The following SEMA5A variants were observed in gnomAD, a reference collection of about 807,000 sequenced individuals.
SEMA5A encodes the protein semaphorin 5A, also known as semaphorin-5A.
Under a neutral mutation model 135.5 loss-of-function variants are expected in SEMA5A, and 55 were observed. That is an observed-to-expected ratio of 0.41 (90% CI 0.33 to 0.51). SEMA5A has a LOEUF of 0.51. Among genes scored for constraint, SEMA5A ranks in the 20% least tolerant of loss-of-function variants. The pLI is 0.37. For synonymous variants in SEMA5A, 580 were observed against 546.5 expected, an observed-to-expected ratio of 1.06 and a Z score of -0.85; for missense variants, 1,290 against 1,419.9, an observed-to-expected ratio of 0.91 and a Z score of 1.47.
intron 11 of SEMA5A, among the ~76,000 whole-genome samples, chr5:9,171,377 G>A (rs1050823964): frequency 6.6e-6 from 1 of 152,158 alleles, no homozygotes; most frequent in African/African-American, 2.4e-5. Context: ...AACATCTGGA[G>A]GGCAGGAAAG....
chr5:9,174,731 G>GA (rs543518811), intron 11 of SEMA5A, among the ~76,000 whole-genome samples: 154 of 152,098 alleles, frequency 1.0e-3, no homozygotes, highest in African/African-American at 3.6e-3. Context: ...AGCCAAGGCA[G>GA]AAAAAAAAGT....
intron 5 of SEMA5A, among the ~76,000 whole-genome samples, chr5:9,250,990 A>C (rs1748743369): frequency 6.6e-6 from 1 of 152,200 alleles, no homozygotes; most frequent in Admixed American, 6.6e-5. Context: ...TTGCTGTTGT[A>C]AGTATTAAGA....
intron 11 of SEMA5A, among the ~76,000 whole-genome samples, chr5:9,160,334 G>A (rs1743184150): frequency 6.6e-6 from 1 of 152,070 alleles, no homozygotes; most frequent in African/African-American, 2.4e-5. Context: ...CATACAAGGT[G>A]GACTCGAGCA....
chr5:9,080,631 C>T (rs1738327380), intron 16 of SEMA5A, among the ~76,000 whole-genome samples: 1 of 151,912 alleles, frequency 6.6e-6, no homozygotes, highest in African/African-American at 2.4e-5. Flanking sequence ...AAGACCTCCA[C>T]AAAGACTCAG....
rs2150423549 is a variant in SEMA5A at position 9,227,417 on chromosome 5, T to C, written c.334-450A>G. Among the ~76,000 whole-genome samples the C allele has an allele frequency of 1.3e-5, 2 of 152,342 alleles. 1 individual carries two copies. Among genetic ancestry groups the C allele is most frequent in the South Asian group, 4.1e-4 (2 of 4,832 alleles). On this transcript the variant is annotated intron_variant, in intron 6 of 22. Coordinates refer to ENST00000382496, the MANE Select transcript of SEMA5A (RefSeq NM_003966.3). ...GGAAGCAGTGCCTTGGAAAACTTCC[T>C]CAGACTTTGAGAAAATGCTGCAAGC...
At chr5:9,507,341 T>A (rs186011109) in intron 1 of SEMA5A, among the ~76,000 whole-genome samples, 96 of 152,354 alleles carry the variant, frequency 6.3e-4, no homozygotes, top group African/African-American at 2.3e-3. Flanking sequence ...TCTTAAAGAA[T>A]ATGCCATCTG....
chr5:9,485,553 C>T (rs1189245263), intron 1 of SEMA5A, among the ~76,000 whole-genome samples: 1 of 152,176 alleles, frequency 6.6e-6, no homozygotes, highest in Non-Finnish European at 1.5e-5. Flanking sequence ...ACAAAGAGTG[C>T]CTGCTGCTCC....
At chr5:9,399,102 T>C (rs1305108892) in intron 2 of SEMA5A, among the ~76,000 whole-genome samples, 1 of 152,200 alleles carries the variant, frequency 6.6e-6, no homozygotes, top group Non-Finnish European at 1.5e-5. Context: ...TATGTCTATA[T>C]CTAAGAGAAA....
intron 5 of SEMA5A, among the ~76,000 whole-genome samples, chr5:9,241,135 G>A (rs1431097717): frequency 6.6e-6 from 1 of 152,056 alleles, no homozygotes; most frequent in Non-Finnish European, 1.5e-5. Flanking sequence ...GATACAGTAG[G>A]CAGTGAGTTT....
At chr5:9,542,477 C>A (rs768326913) in intron 1 of SEMA5A, among the ~76,000 whole-genome samples, 46 of 152,178 alleles carry the variant, frequency 3.0e-4, no homozygotes, top group Admixed American at 1.3e-3. Flanking sequence ...CAAGTAGATG[C>A]AGGTGAGCAG....
At chr5:9,422,044 G>A (rs1466189241) in intron 2 of SEMA5A, among the ~76,000 whole-genome samples, 3 of 152,158 alleles carry the variant, frequency 2.0e-5, no homozygotes, top group Non-Finnish European at 2.9e-5. Flanking sequence ...CCAAAAAGAA[G>A]GAATCAGCAG....
intron 5 of SEMA5A, among the ~76,000 whole-genome samples, chr5:9,317,180 C>T (rs1392978061): frequency 1.3e-5 from 2 of 152,108 alleles, no homozygotes; most frequent in Admixed American, 1.3e-4. Context: ...CAGTTATGTA[C>T]TAAATTGCAG....
chr5:9,456,742 G>A (rs905208348), intron 1 of SEMA5A, among the ~76,000 whole-genome samples: 12 of 152,122 alleles, frequency 7.9e-5, no homozygotes, highest in African/African-American at 2.9e-4. Flanking sequence ...GGCAAGGGGG[G>A]AAAAACAGCA....
At chr5:9,471,923 C>T (rs1023434982) in intron 1 of SEMA5A, among the ~76,000 whole-genome samples, 5 of 152,192 alleles carry the variant, frequency 3.3e-5, no homozygotes, top group Middle Eastern at 3.2e-3. Context: ...AAAGTAACAA[C>T]CTGCTCCTCT....
chr5:9,303,453 C>T (rs1245828203), intron 5 of SEMA5A, among the ~76,000 whole-genome samples: 1 of 152,126 alleles, frequency 6.6e-6, no homozygotes, highest in Non-Finnish European at 1.5e-5. Context: ...CATATTTCTT[C>T]ACCATAAATA....
intron 8 of SEMA5A, among the ~76,000 whole-genome samples, chr5:9,221,955 C>T (rs1561039632): frequency 3.3e-5 from 5 of 152,138 alleles, no homozygotes; most frequent in Non-Finnish European, 5.9e-5. Flanking sequence ...GAGGGCCTCA[C>T]TGAAGACAGA....
intron 1 of SEMA5A, among the ~76,000 whole-genome samples, chr5:9,465,064 CATTCTGG>C (rs1759205647): frequency 1.4e-5 from 2 of 138,094 alleles, no homozygotes; most frequent in South Asian, 2.5e-4. Flanking sequence ...GAGGTCATTT[CATTCTGG>C]ATTCTGGATC....
At chr5:9,291,923 T>G (rs1390963781) in intron 5 of SEMA5A, among the ~76,000 whole-genome samples, 1 of 152,178 alleles carries the variant, frequency 6.6e-6, no homozygotes, top group African/African-American at 2.4e-5. Flanking sequence ...TTGCTACAAG[T>G]AAGGATGTCT....
At chr5:9,226,816 T>C (rs1747336366) in intron 7 of SEMA5A, 53 bp downstream of exon 7, 2 of 1,374,676 alleles carry the variant, frequency 1.5e-6, no homozygotes, top group East Asian at 2.4e-5. Flanking sequence ...TTTTACACAA[T>C]GTTTTGCCTC....
Sources: gnomAD v4.1 joint callset for allele counts (sites outside exome capture counted in the v4.1 genomes callset) on GRCh38, gnomAD v4.1.1 for gene constraint, MANE v1.5 for transcripts, NCBI Gene and HGNC (gene_info 2026-07-23, HGNC 2026-07-21) for gene names.